EPS15: variants seen among roughly 807,000 people sequenced by gnomAD.
EPS15 encodes the protein epidermal growth factor receptor pathway substrate 15.
EPS15 carries 72 observed loss-of-function variants against 113.8 expected under a neutral mutation model. That is an observed-to-expected ratio of 0.63 (90% CI 0.52 to 0.77). The LOEUF (loss-of-function observed/expected upper bound fraction) is 0.77. Among genes scored for constraint, EPS15 ranks in the 30% least tolerant of loss-of-function variants. EPS15 has a pLI of 0.00. For synonymous variants in EPS15, 344 were observed against 363.4 expected, an observed-to-expected ratio of 0.95 and a Z score of 0.61; for missense variants, 1,048 against 1,045.8, an observed-to-expected ratio of 1.00 and a Z score of -0.03.
intron 21 of EPS15, among the ~76,000 whole-genome samples, chr1:51,389,163 T>C (rs1395108785): frequency 2.0e-5 from 3 of 152,154 alleles, no homozygotes; most frequent in East Asian, 3.9e-4. Context: ...GCTGGTTCAA[T>C]ATATGCCAAT....
chr1:51,421,911 G>T (rs767272817), intron 12 of EPS15, 53 bp from the exon 13 acceptor site: 1 of 1,606,550 alleles, frequency 6.2e-7, no homozygotes, highest in South Asian at 1.1e-5. Context: ...GCTACAGCTG[G>T]TATGGTTATC....
intron 12 of EPS15, among the ~76,000 whole-genome samples, chr1:51,436,065 G>A (rs1652127219): frequency 1.3e-5 from 2 of 152,210 alleles, no homozygotes; most frequent in Non-Finnish European, 2.9e-5. Context: ...GTAGATTCGA[G>A]TACTGTACTG....
At chr1:51,495,247 T>G (rs1023620274) in intron 1 of EPS15, among the ~76,000 whole-genome samples, 1 of 152,206 alleles carries the variant, frequency 6.6e-6, no homozygotes, top group Admixed American at 6.5e-5. Context: ...TAATGTTTTC[T>G]GCTTAAGACT....
chr1:51,371,835 C>T (rs1166589043), intron 21 of EPS15, among the ~76,000 whole-genome samples: 3 of 152,180 alleles, frequency 2.0e-5, no homozygotes, highest in Non-Finnish European at 2.9e-5. Flanking sequence ...CTTCCAGCCC[C>T]GCAAGCTCCG....
chr1:51,485,407 A>T (rs1644102242), intron 1 of EPS15, among the ~76,000 whole-genome samples: 1 of 152,148 alleles, frequency 6.6e-6, no homozygotes, highest in South Asian at 2.1e-4. Flanking sequence ...TACTGTTCAA[A>T]ATCAGTTGGA....
chr1:51,458,667 G>A (rs1284003636), intron 8 of EPS15: 3 of 390,660 alleles, frequency 7.7e-6, no homozygotes, highest in South Asian at 1.8e-5. Flanking sequence ...AATCCAGGAG[G>A]CCGAGGCTGC....
At chr1:51,382,666 G>A (rs1317073676) in intron 21 of EPS15, among the ~76,000 whole-genome samples, 1 of 151,936 alleles carries the variant, frequency 6.6e-6, no homozygotes. Context: ...TGATCCACCC[G>A]CCTCAGCCTC....
intron 8 of EPS15, chr1:51,458,609 T>G (rs1654197873): frequency 2.3e-6 from 1 of 431,148 alleles, no homozygotes; most frequent in Admixed American, 2.5e-5. Context: ...TGGTGGTGCA[T>G]GCCTGTAATC....
chr1:51,444,689 G>C (rs185191202), intron 11 of EPS15, among the ~76,000 whole-genome samples, 200 bp downstream of exon 11: 2 of 152,248 alleles, frequency 1.3e-5, no homozygotes, highest in East Asian at 3.9e-4. Context: ...AATGAATGGG[G>C]TAAACAAGCT....
chr1:51,513,726 T>C (rs1474770835), intron 1 of EPS15, among the ~76,000 whole-genome samples: 4 of 152,200 alleles, frequency 2.6e-5, no homozygotes, highest in Non-Finnish European at 4.4e-5. Context: ...AATAGCTTAG[T>C]TCATAGGTTA....
Position 51,399,110 on chromosome 1 carries a change from G to T in EPS15, c.1974C>A (p.Phe658Leu). 1.2e-6 allele frequency: 2 copies of T among 1,613,930 alleles called. No homozygotes were observed. The highest frequency in any genetic ancestry group is 1.1e-5 in the South Asian group (1 of 91,084). The change falls in exon 20 of 25, where the codon TTC (phenylalanine) becomes TTA (leucine). Residue 658 changes from phenylalanine to leucine, a missense_variant. By Grantham distance (22) the Phe-to-Leu change is conservative (BLOSUM62 0). Transcript: ENST00000371733. ...CAAAAGGATCAGTAGATTGCCTGAA[G>T]AAACAGTCTGATGCAAATGGATCTG... ...KGSDPFASDCFFRQSTDPFAT... is the reference protein window; with the variant it reads ...KGSDPFASDCLFRQSTDPFAT...
At chr1:51,357,427 T>TATATA (rs57828043) in intron 24 of EPS15, among the ~76,000 whole-genome samples, 51 of 44,582 alleles carry the variant, frequency 1.1e-3, no homozygotes, top group African/African-American at 4.9e-3. Flanking sequence ...TATATATATA[T>TATATA]TTTTTTTTTT....
At position 51,402,427 on chromosome 1, in the gene EPS15, G is replaced by C. The variant is rs1183820260; in HGVS notation, c.1882+8C>G. 2 of 1,450,672 alleles carry C rather than the reference G, an allele frequency of 1.4e-6. No homozygotes were observed. Among genetic ancestry groups the C allele is most frequent in the African/African-American group, 2.8e-5 (2 of 70,232 alleles). The allele number at this position is 1,450,672 out of a possible 1,614,324, so 89.9% of individuals were successfully genotyped here. On this transcript the variant is annotated splice_region_variant and intron_variant, in intron 18 of 24. Transcript: ENST00000371733. ...GTAAATCTATAATATAAAAAAAAGA[G>C]TACTTACTGCCAACAAAAGGATCAG...
intron 8 of EPS15, among the ~76,000 whole-genome samples, chr1:51,457,318 A>T (rs1241962791): frequency 6.6e-6 from 1 of 151,904 alleles, no homozygotes; most frequent in Non-Finnish European, 1.5e-5. Flanking sequence ...TAAAAAAAAG[A>T]ACATGATGGG....
chr1:51,382,367 C>T lies in EPS15; in HGVS notation c.2119+12014G>A, dbSNP rs541015780. ...AAAGATACAGGGAAGGTTAGCATGG[C>T]CCCTGTGCAAGGATAACATGCAAAT... is the stretch of plus-strand genomic sequence containing the variant. On this transcript the variant is annotated intron_variant, in intron 21 of 24. Coordinates refer to ENST00000371733, the MANE Select transcript of EPS15 (RefSeq NM_001981.3). The T allele has an allele frequency of 2.6e-5, 4 of 152,128 alleles. No homozygotes were observed. The South Asian group carries it at 6.2e-4, about 24-fold the overall frequency. 9.4% of individuals were successfully genotyped at this position (152,128 alleles called of 1,614,324 possible).
At position 51,484,986 on chromosome 1, in the gene EPS15, T is replaced by G. The variant is rs72892027; in HGVS notation, c.34-3672A>C. 7.4e-3 allele frequency among the ~76,000 whole-genome samples: 1,134 copies of G among 152,334 alleles called. 14 individuals are homozygous for G. The highest frequency in any genetic ancestry group is 0.026 in the African/African-American group (1,090 of 41,568). On this transcript the variant is annotated intron_variant, in intron 1 of 24. Coordinates refer to ENST00000371733, the MANE Select transcript of EPS15 (RefSeq NM_001981.3). The stretch of plus-strand genomic sequence containing the variant: ...TATTTATTTTGTTGTTTGGTAACCA[T>G]TTTATTATTTCATAAGCCTTTTCAG...
intron 13 of EPS15, among the ~76,000 whole-genome samples, chr1:51,413,186 T>C (rs574345548): frequency 6.6e-6 from 1 of 152,306 alleles, no homozygotes; most frequent in East Asian, 1.9e-4. Context: ...TTCCACACCA[T>C]ATGTACCTGG....
intron 21 of EPS15, among the ~76,000 whole-genome samples, chr1:51,392,600 T>C (rs1321864600): frequency 6.6e-6 from 1 of 152,192 alleles, no homozygotes; most frequent in Non-Finnish European, 1.5e-5. Flanking sequence ...CTTGCAAAAA[T>C]GTGTTAGTTT....
At chr1:51,371,513 A>C (rs540208216) in intron 21 of EPS15, among the ~76,000 whole-genome samples, 1 of 136,880 alleles carries the variant, frequency 7.3e-6, no homozygotes, top group East Asian at 3.3e-4. Flanking sequence ...TTAAAAGTTA[A>C]AAAAAAAAAG....
Sources: allele counts gnomAD v4.1 joint callset (sites outside exome capture counted in the v4.1 genomes callset), GRCh38; gene constraint gnomAD v4.1.1; transcripts MANE v1.5; gene names NCBI Gene and HGNC (gene_info 2026-07-23, HGNC 2026-07-21).